CFAP100: variants seen among roughly 807,000 people sequenced by gnomAD.
CFAP100 encodes cilia and flagella associated protein 100.
In CFAP100, 70 loss-of-function variants were observed where a neutral mutation model predicts 81.5. That is an observed-to-expected ratio of 0.86 (90% CI 0.71 to 1.05). The LOEUF (loss-of-function observed/expected upper bound fraction) is 1.05. CFAP100 is among the 50% of genes least tolerant of loss of function. The pLI, the probability that CFAP100 is intolerant of heterozygous loss-of-function variation, is 0.00. For missense variants in CFAP100, 811 were observed against 776.5 expected, an observed-to-expected ratio of 1.04 and a Z score of -0.53; for synonymous variants, 341 against 314.8, an observed-to-expected ratio of 1.08 and a Z score of -0.88.
chr3:126,418,357 A>G, intron 5 of CFAP100, 101 bp from the exon 6 acceptor site: 1 of 1,021,366 alleles, frequency 9.8e-7, no homozygotes, highest in East Asian at 2.4e-5. Flanking sequence ...GTGGACGCAA[A>G]GCAGTGGCCA....
chr3:126,411,485 T>TCAATTAGTA (rs1252724803), intron 3 of CFAP100, among the ~76,000 whole-genome samples: 6 of 151,356 alleles, frequency 4.0e-5, no homozygotes, highest in African/African-American at 1.5e-4. Context: ...TTAGTAGGAT[T>TCAATTAGTA]GGTACCAATT....
At chr3:126,407,686 C>A (rs1161135428) in intron 3 of CFAP100, among the ~76,000 whole-genome samples, 1 of 152,214 alleles carries the variant, frequency 6.6e-6, no homozygotes, top group Non-Finnish European at 1.5e-5. Context: ...GCCAACTTAG[C>A]CTTCTAGGGG....
rs1279922681 is a variant in CFAP100, at chr3:126,395,985, T to C, written c.-16T>C. 6.2e-7 allele frequency: 1 copy of C among 1,611,888 alleles called. No individual in the cohort carries two copies. Among genetic ancestry groups the C allele is most frequent in the South Asian group, 1.1e-5 (1 of 91,040 alleles). ...AGAGGAGAAGCCTTGCATCAACCTCTTGGGCCTCAGCCAAGATGTCTGAGA... is the reference window on the plus strand; with the variant it reads ...AGAGGAGAAGCCTTGCATCAACCTCCTGGGCCTCAGCCAAGATGTCTGAGA... On this transcript the variant is annotated 5_prime_UTR_variant, in exon 2 of 17. Coordinates refer to ENST00000352312, the MANE Select transcript of CFAP100 (RefSeq NM_182628.3).
chr3:126,402,254 G>A (rs2082996851), intron 2 of CFAP100, among the ~76,000 whole-genome samples: 1 of 152,226 alleles, frequency 6.6e-6, no homozygotes, highest in South Asian at 2.1e-4. Context: ...TAAAACACAG[G>A]TTTTATTATT....
intron 4 of CFAP100, among the ~76,000 whole-genome samples, chr3:126,415,612 T>C (rs1200859085): frequency 6.6e-6 from 1 of 152,132 alleles, no homozygotes; most frequent in Non-Finnish European, 1.5e-5. Flanking sequence ...TTTGTGTACC[T>C]GGTAGGTCCC....
intron 2 of CFAP100, among the ~76,000 whole-genome samples, chr3:126,404,621 T>C (rs143495230): frequency 9.4e-4 from 143 of 152,292 alleles, no homozygotes; most frequent in African/African-American, 3.2e-3. Flanking sequence ...AGTCTAGTGA[T>C]TGGAAGTGGG....
At chr3:126,430,208 G>C (rs1933157120) in intron 13 of CFAP100, among the ~76,000 whole-genome samples, 1 of 150,592 alleles carries the variant, frequency 6.6e-6, no homozygotes, top group Non-Finnish European at 1.5e-5. Context: ...CTCCAGACAT[G>C]GGAAAATTTC....
intron 11 of CFAP100, among the ~76,000 whole-genome samples, chr3:126,422,473 G>A (rs1384464020): frequency 7.1e-6 from 1 of 140,418 alleles, no homozygotes; most frequent in Non-Finnish European, 1.6e-5. Flanking sequence ...GAGGTGCCTG[G>A]GGCAAGCCAG....
intron 2 of CFAP100, among the ~76,000 whole-genome samples, chr3:126,406,418 C>T (rs889418804): frequency 2.0e-5 from 3 of 152,192 alleles, no homozygotes; most frequent in African/African-American, 7.2e-5. Context: ...AGCAGCCCAC[C>T]GGAGACCACG....
chr3:126,433,109 A>T lies in CFAP100; in HGVS notation c.1327A>T (p.Met443Leu). 1 of 1,614,208 alleles carries T rather than the reference A, an allele frequency of 6.2e-7. No homozygotes were observed. Among genetic ancestry groups the T allele is most frequent in the Non-Finnish European group, 8.5e-7 (1 of 1,180,030 alleles). Reference sequence around the variant, plus strand: ...CCAGCTGAAGCAGTGGGTCACCACAATGATGATGTCCATCACCAAGGAGGA... The same window carrying T: ...CCAGCTGAAGCAGTGGGTCACCACATTGATGATGTCCATCACCAAGGAGGA... ...VNQLKQWVTT[M>L]MMSITKEEDT... Residue 443 changes from methionine (M) to leucine (L), a missense_variant, in exon 14 of 17, where the codon ATG becomes TTG. Coordinates refer to ENST00000352312, the MANE Select transcript of CFAP100 (RefSeq NM_182628.3).
chr3:126,429,189 T>G (rs1451864957), intron 13 of CFAP100, among the ~76,000 whole-genome samples: 1 of 150,934 alleles, frequency 6.6e-6, no homozygotes, highest in Non-Finnish European at 1.5e-5. Flanking sequence ...CATGACACCA[T>G]GAGGTCCTGT....
chr3:126,426,280 T>G (rs183427423), intron 13 of CFAP100, among the ~76,000 whole-genome samples: 1 of 151,390 alleles, frequency 6.6e-6, no homozygotes, highest in South Asian at 2.1e-4. Flanking sequence ...CTGGGCAACA[T>G]AGTGAGACCA....
chr3:126,403,618 A>G (rs2083020788), intron 2 of CFAP100, among the ~76,000 whole-genome samples: 1 of 152,078 alleles, frequency 6.6e-6, no homozygotes, highest in Non-Finnish European at 1.5e-5. Flanking sequence ...CCTGGCCTCA[A>G]GTGATCCACC....
At chr3:126,432,974 G>A (rs1560082181) in intron 13 of CFAP100, 95 bp from the exon 14 acceptor site, 29 of 1,441,928 alleles carry the variant, frequency 2.0e-5, no homozygotes, top group Non-Finnish European at 2.7e-5. Flanking sequence ...AGGACAGCTG[G>A]TAGGGGCAAA....
chr3:126,398,631 A>G (rs1283871310), intron 2 of CFAP100, among the ~76,000 whole-genome samples: 2 of 152,202 alleles, frequency 1.3e-5, no homozygotes, highest in African/African-American at 4.8e-5. Flanking sequence ...GCTATGAGGG[A>G]TGCGAAGGGC....
chr3:126,417,501 T>C (rs2083262307), intron 5 of CFAP100, among the ~76,000 whole-genome samples: 1 of 152,074 alleles, frequency 6.6e-6, no homozygotes, highest in Non-Finnish European at 1.5e-5. Flanking sequence ...CCTGAGCTTG[T>C]GGGGGCGTTT....
intron 11 of CFAP100, among the ~76,000 whole-genome samples, chr3:126,423,016 C>T (rs991912186): frequency 1.3e-5 from 2 of 152,132 alleles, no homozygotes; most frequent in African/African-American, 2.4e-5. Context: ...TGCAGTGGAG[C>T]TGGGATGGGT....
At chr3:126,435,424 G>C (rs1933406885) in intron 15 of CFAP100, 135 bp from the exon 16 acceptor site, 1 of 663,280 alleles carries the variant, frequency 1.5e-6, no homozygotes, top group Non-Finnish European at 2.6e-6. Context: ...TTGAGAACTT[G>C]ACCTGGCAAA....
At chr3:126,396,400 G>T in intron 2 of CFAP100, 1 of 242,378 alleles carries the variant, frequency 4.1e-6, no homozygotes, top group Non-Finnish European at 7.9e-6. Flanking sequence ...GTGCTCTTTG[G>T]CTTGTAGAAG....
Sources: gnomAD v4.1 joint callset for allele counts (sites outside exome capture counted in the v4.1 genomes callset) on GRCh38, gnomAD v4.1.1 for gene constraint, MANE v1.5 for transcripts, NCBI Gene and HGNC (gene_info 2026-07-23, HGNC 2026-07-21) for gene names.